Variants in TAFA1 observed in about 807,000 individuals in gnomAD.
TAFA1 encodes the protein chemokine-like protein TAFA-1.
TAFA1 carries 4 observed loss-of-function variants against 18.5 expected under a neutral mutation model. The observed-to-expected ratio is 0.22, with a 90% confidence interval of 0.11 to 0.49. The LOEUF (loss-of-function observed/expected upper bound fraction) is 0.49, where lower values mean the gene tolerates loss of function less well. Among genes scored for constraint, TAFA1 ranks in the 20% least tolerant of loss-of-function variants. TAFA1 has a pLI of 0.98. For synonymous variants in TAFA1, 56 were observed against 55.2 expected, an observed-to-expected ratio of 1.01 and a Z score of -0.06; for missense variants, 147 against 169.0, an observed-to-expected ratio of 0.87 and a Z score of 0.72.
At chr3:68,478,696 T>G (rs2072152418) in intron 3 of TAFA1, among the ~76,000 whole-genome samples, 1 of 152,084 alleles carries the variant, frequency 6.6e-6, no homozygotes, top group Admixed American at 6.6e-5. Context: ...TTATAAAATT[T>G]AACATAAGAA....
chr3:68,118,360 T>G (rs1217145497), intron 2 of TAFA1, among the ~76,000 whole-genome samples: 1 of 152,162 alleles, frequency 6.6e-6, no homozygotes, highest in Non-Finnish European at 1.5e-5. Context: ...GAGCTCAGGC[T>G]GTAATGCGAA....
intron 3 of TAFA1, among the ~76,000 whole-genome samples, chr3:68,505,506 A>G (rs905483006): frequency 4.6e-5 from 7 of 152,180 alleles, no homozygotes; most frequent in African/African-American, 1.4e-4. Flanking sequence ...TCAGAAGTTC[A>G]GGAATGTCCT....
chr3:68,152,944 G>A (rs1217400310), intron 2 of TAFA1, among the ~76,000 whole-genome samples: 1 of 152,118 alleles, frequency 6.6e-6, no homozygotes, highest in African/African-American at 2.4e-5. Context: ...AGAGAGGAGG[G>A]AATGGAGAGT....
chr3:68,186,940 G>T (rs1315812031), intron 2 of TAFA1, among the ~76,000 whole-genome samples: 1 of 151,714 alleles, frequency 6.6e-6, no homozygotes, highest in African/African-American at 2.4e-5. Context: ...ATCTCTGTGG[G>T]TAATTAGCAG....
At chr3:68,227,943 A>G (rs2066823884) in intron 2 of TAFA1, among the ~76,000 whole-genome samples, 1 of 152,176 alleles carries the variant, frequency 6.6e-6, no homozygotes, top group African/African-American at 2.4e-5. Context: ...GGAGTGGAGC[A>G]TATACTTTAT....
chr3:68,518,704 T>C (rs2072966794), intron 3 of TAFA1, among the ~76,000 whole-genome samples: 1 of 152,060 alleles, frequency 6.6e-6, no homozygotes, highest in African/African-American at 2.4e-5. Context: ...ATCACTGAGA[T>C]AGGGGGAATG....
At chr3:68,003,149 T>C (rs1183112951), upstream of TAFA1, among the ~76,000 whole-genome samples, 1 of 152,226 alleles carries the variant, frequency 6.6e-6, no homozygotes, top group African/African-American at 2.4e-5. Flanking sequence ...ACAGTTGTTA[T>C]GTTACAAAGA....
Position 68,072,154 on chromosome 3 carries a change from G to T in TAFA1, c.118+65410G>T, listed in dbSNP as rs142766041. Among the ~76,000 whole-genome samples the T allele has an allele frequency of 4.9e-4, 75 of 152,288 alleles. 2 individuals carry two copies. The highest frequency in any genetic ancestry group is 1.7e-3 in the African/African-American group (71 of 41,546). On this transcript the variant is annotated intron_variant, in intron 2 of 4. Coordinates refer to ENST00000478136, the MANE Select transcript of TAFA1 (RefSeq NM_213609.4). ...TATTTTCTCTCTTTATATTTTTGTGGTTGGAGGATGTAATCCTTGAACTGA... is the reference window on the plus strand; with the variant it reads ...TATTTTCTCTCTTTATATTTTTGTGTTTGGAGGATGTAATCCTTGAACTGA...
chr3:68,476,770 C>A (rs1385331565), intron 3 of TAFA1, among the ~76,000 whole-genome samples: 2 of 152,020 alleles, frequency 1.3e-5, no homozygotes, highest in African/African-American at 4.8e-5. Context: ...ATATATAGAA[C>A]CCATTTGTAA....
At chr3:68,228,985 A>G (rs1188574133) in intron 2 of TAFA1, among the ~76,000 whole-genome samples, 2 of 152,204 alleles carry the variant, frequency 1.3e-5, no homozygotes, top group African/African-American at 2.4e-5. Context: ...CATTCTGCCC[A>G]AGATGGTTTT....
rs78560719 is a variant in TAFA1, at chr3:68,017,223, C to A, written c.118+10479C>A. Among the ~76,000 whole-genome samples, 1,101 of 152,318 alleles carry A rather than the reference C, an allele frequency of 7.2e-3. 14 individuals are homozygous for A. Among genetic ancestry groups the A allele is most frequent in the African/African-American group, 0.025 (1,037 of 41,566 alleles). On this transcript the variant is annotated intron_variant, in intron 2 of 4. Transcript: ENST00000478136. Reference sequence around the variant, plus strand: ...TTATTAAAATGAATTGGTTTTGTAGCTTTTTACATCTCTTTATCTGATGAA... The same window carrying A: ...TTATTAAAATGAATTGGTTTTGTAGATTTTTACATCTCTTTATCTGATGAA...
chr3:68,110,634 T>G (rs917957449), intron 2 of TAFA1, among the ~76,000 whole-genome samples: 6 of 152,084 alleles, frequency 3.9e-5, no homozygotes, highest in African/African-American at 1.2e-4. Flanking sequence ...TAGGACAATA[T>G]TTAGGTCACA....
At chr3:68,287,712 A>T (rs1347932982) in intron 2 of TAFA1, among the ~76,000 whole-genome samples, 1 of 152,112 alleles carries the variant, frequency 6.6e-6, no homozygotes, top group Non-Finnish European at 1.5e-5. Flanking sequence ...TTAACAGTGG[A>T]TGTTTCCTGG....
chr3:68,434,643 A>G (rs900564663), intron 3 of TAFA1, among the ~76,000 whole-genome samples: 1 of 152,136 alleles, frequency 6.6e-6, no homozygotes, highest in African/African-American at 2.4e-5. Flanking sequence ...GAATTTACAC[A>G]TAACTTGTGA....
chr3:68,366,562 G>GT (rs1365799881), intron 2 of TAFA1, among the ~76,000 whole-genome samples: 1 of 151,628 alleles, frequency 6.6e-6, no homozygotes, highest in Non-Finnish European at 1.5e-5. Flanking sequence ...ATGAAGTAGT[G>GT]TAATGTAGTG....
In TAFA1 at chr3:68,482,599, C is replaced by A. The variant is rs114881230; in HGVS notation, c.260-56157C>A. 3.2e-3 allele frequency among the ~76,000 whole-genome samples: 487 copies of A among 152,318 alleles called. 4 individuals are homozygous for A. The highest frequency in any genetic ancestry group is 0.011 in the African/African-American group (465 of 41,572). On this transcript the variant is annotated intron_variant, in intron 3 of 4. Coordinates refer to ENST00000478136, the MANE Select transcript of TAFA1 (RefSeq NM_213609.4). The stretch of plus-strand genomic sequence containing the variant: ...TCCATGAGTTTTGCCACACAGCTTT[C>A]ATTTCCTACTTCTCCTGGTTTAAAA...
intron 2 of TAFA1, among the ~76,000 whole-genome samples, chr3:68,088,977 C>A (rs745611421): frequency 6.6e-6 from 1 of 152,058 alleles, no homozygotes; most frequent in African/African-American, 2.4e-5. Context: ...TATAACTCTA[C>A]GGTTTTTGGC....
intron 2 of TAFA1, among the ~76,000 whole-genome samples, chr3:68,043,971 C>G (rs577191313): frequency 6.6e-6 from 1 of 152,066 alleles, no homozygotes; most frequent in South Asian, 2.1e-4. Context: ...ACCTAGAACC[C>G]CCTGCCCATT....
chr3:68,318,470 G>A (rs1280870894), intron 2 of TAFA1, among the ~76,000 whole-genome samples: 2 of 152,182 alleles, frequency 1.3e-5, no homozygotes, highest in African/African-American at 4.8e-5. Context: ...AAGTCGCCAA[G>A]CTTGAATGTC....
Sources: allele counts gnomAD v4.1 joint callset (sites outside exome capture counted in the v4.1 genomes callset), GRCh38; gene constraint gnomAD v4.1.1; transcripts MANE v1.5; gene names NCBI Gene and HGNC (gene_info 2026-07-23, HGNC 2026-07-21).